The following RANBP2 variants were observed in gnomAD, a reference collection of about 807,000 sequenced individuals.
RANBP2 encodes RAN binding protein 2.
A neutral mutation model predicts 303.6 loss-of-function variants in RANBP2; 57 were observed. The observed-to-expected ratio is 0.19, with a 90% CI of 0.15 to 0.23. The LOEUF (loss-of-function observed/expected upper bound fraction) is 0.23, where lower values mean the gene tolerates loss of function less well. Among genes scored for constraint, RANBP2 ranks in the 10% least tolerant of loss-of-function variants. RANBP2 has a pLI of 1.00. For synonymous variants in RANBP2, 1,167 were observed against 1,301.5 expected, an observed-to-expected ratio of 0.90 and a Z score of 2.23; for missense variants, 3,138 against 3,780.8, an observed-to-expected ratio of 0.83 and a Z score of 4.46.
At chr2:108,740,953 A>G (rs1462793706) in intron 7 of RANBP2, among the ~76,000 whole-genome samples, 1 of 152,054 alleles carries the variant, frequency 6.6e-6, no homozygotes, top group East Asian at 1.9e-4. Context: ...TTACTCTGCC[A>G]TTTTTGGGAA....
the RANBP2 span, chr2:109,128,498 C>G: frequency 6.6e-6 from 1 of 152,294 alleles, no homozygotes; most frequent in Non-Finnish European, 1.5e-5. Flanking sequence ...CGGGAGGAGT[C>G]GGCGCGGGCC....
At chr2:108,723,339 G>T (rs537258949) in intron 1 of RANBP2, among the ~76,000 whole-genome samples, 94 of 151,130 alleles carry the variant, frequency 6.2e-4, no homozygotes, top group South Asian at 3.8e-3. Context: ...GAGTGCAGTG[G>T]CGCGATCTCG....
At chr2:109,564,778 A>C in the RANBP2 span, among the ~76,000 whole-genome samples, 2 of 152,234 alleles carry the variant, frequency 1.3e-5, no homozygotes, top group African/African-American at 4.8e-5. Context: ...GTAGCCAATG[A>C]ATCACCAGGA....
chr2:109,706,267 G>C, the RANBP2 span, among the ~76,000 whole-genome samples: 15 of 152,182 alleles, frequency 9.9e-5, no homozygotes, highest in Non-Finnish European at 2.2e-4. Context: ...CCCATTTCAC[G>C]CAGATGCGGA....
At chr2:109,386,088 G>A in the RANBP2 span, among the ~76,000 whole-genome samples, 2 of 152,218 alleles carry the variant, frequency 1.3e-5, no homozygotes, top group South Asian at 2.1e-4. Context: ...TCAAAAGAAT[G>A]TAGATTGGAT....
At chr2:109,472,517 T>C in the RANBP2 span, among the ~76,000 whole-genome samples, 1 of 152,158 alleles carries the variant, frequency 6.6e-6, no homozygotes, top group South Asian at 2.1e-4. Context: ...GAGCTTTGAT[T>C]TACGGTTGCT....
At chr2:108,944,769 A>C in the RANBP2 span, among the ~76,000 whole-genome samples, 1 of 152,108 alleles carries the variant, frequency 6.6e-6, no homozygotes, top group Non-Finnish European at 1.5e-5. Context: ...CCGGTCCCAG[A>C]CCTTCCTGAG....
At chr2:109,425,374 A>G in the RANBP2 span, among the ~76,000 whole-genome samples, 1 of 152,080 alleles carries the variant, frequency 6.6e-6, no homozygotes, top group Non-Finnish European at 1.5e-5. Context: ...ACACTAAACA[A>G]CAGATTTTCA....
At chr2:109,240,832 C>A in the RANBP2 span, among the ~76,000 whole-genome samples, 6 of 151,914 alleles carry the variant, frequency 3.9e-5, no homozygotes, top group Non-Finnish European at 5.9e-5. Context: ...TCCTACTGGA[C>A]TCCTGACACC....
the RANBP2 span, among the ~76,000 whole-genome samples, chr2:109,562,429 A>C: frequency 6.8e-6 from 1 of 147,732 alleles, no homozygotes; most frequent in Non-Finnish European, 1.5e-5. Context: ...CTCAACAGAG[A>C]CTCTACACAA....
the RANBP2 span, among the ~76,000 whole-genome samples, chr2:109,528,097 T>A: frequency 6.6e-6 from 1 of 152,200 alleles, no homozygotes; most frequent in Admixed American, 6.5e-5. Flanking sequence ...AGGGAGGTCA[T>A]CAGGGTCAGC....
chr2:109,689,367 T>C, the RANBP2 span, among the ~76,000 whole-genome samples: 1 of 152,226 alleles, frequency 6.6e-6, no homozygotes, highest in Non-Finnish European at 1.5e-5. Flanking sequence ...TTGGGGGACA[T>C]GTGACATTCC....
the RANBP2 span, among the ~76,000 whole-genome samples, chr2:109,262,297 TA>T: frequency 6.6e-6 from 1 of 152,200 alleles, no homozygotes; most frequent in South Asian, 2.1e-4. Flanking sequence ...ATGGGAGAGA[TA>T]AATGTCTCGA....
chr2:109,115,641 A>T, the RANBP2 span, among the ~76,000 whole-genome samples: 1 of 152,174 alleles, frequency 6.6e-6, no homozygotes, highest in South Asian at 2.1e-4. Context: ...TTTAAAGTTA[A>T]TACTGTTATG....
the RANBP2 span, among the ~76,000 whole-genome samples, chr2:108,918,440 A>C: frequency 6.6e-6 from 1 of 152,188 alleles, no homozygotes; most frequent in African/African-American, 2.4e-5. Context: ...TGGGTGGCCA[A>C]CTGCGGGTCC....
At chr2:109,574,940 T>C in the RANBP2 span, among the ~76,000 whole-genome samples, 1 of 152,222 alleles carries the variant, frequency 6.6e-6, no homozygotes, top group African/African-American at 2.4e-5. Flanking sequence ...GCAAAAGCTA[T>C]ACAAATGCTT....
At chr2:109,549,926 A>T in the RANBP2 span, among the ~76,000 whole-genome samples, 2 of 152,218 alleles carry the variant, frequency 1.3e-5, no homozygotes, top group Admixed American at 1.3e-4. Context: ...CTGAAACCTC[A>T]GAAAGCCATA....
chr2:108,856,642 A>T, the RANBP2 span: 1 of 659,670 alleles, frequency 1.5e-6, no homozygotes, highest in Non-Finnish European at 2.6e-6. Flanking sequence ...CTGACAAATC[A>T]GTTAGAATCT....
chr2:109,036,134 G>A, the RANBP2 span, among the ~76,000 whole-genome samples: 13 of 152,306 alleles, frequency 8.5e-5, no homozygotes, highest in African/African-American at 2.6e-4. Flanking sequence ...ATGTGCTAAT[G>A]TCAAGAAAGC....
Sources: allele counts gnomAD v4.1 joint callset (sites outside exome capture counted in the v4.1 genomes callset), GRCh38; gene constraint gnomAD v4.1.1; transcripts MANE v1.5; gene names NCBI Gene and HGNC (gene_info 2026-07-23, HGNC 2026-07-21).